The following ERC2 variants were observed in gnomAD, a reference collection of about 807,000 sequenced individuals.
ERC2 encodes ELKS/RAB6-interacting/CAST family member 2, also known as ERC protein 2.
A neutral mutation model predicts 114.8 loss-of-function variants in ERC2; 42 were observed. The ratio of observed to expected loss-of-function variants is 0.37; its 90% confidence interval spans 0.29 to 0.47. The LOEUF (loss-of-function observed/expected upper bound fraction) is 0.47, where lower values mean the gene tolerates loss of function less well. Ranked by LOEUF, ERC2 falls within the 20% of genes least tolerant of loss-of-function variation. The probability of loss-of-function intolerance (pLI) is 0.99; values close to 1 mark genes in which losing one functional copy is unlikely to be tolerated. For missense variants in ERC2, 939 were observed against 1,150.7 expected (o/e 0.82, Z 2.66); for synonymous variants, 454 against 425.5 (o/e 1.07, Z -0.82).
At chr3:56,280,266 C>T (rs2054260899) in intron 3 of ERC2, among the ~76,000 whole-genome samples, 1 of 152,150 alleles carries the variant, frequency 6.6e-6, no homozygotes, top group Admixed American at 6.5e-5. Context: ...GAATGCAGGC[C>T]TGACAACATC....
chr3:56,258,710 G>A (rs2052697218), intron 3 of ERC2, among the ~76,000 whole-genome samples: 1 of 152,148 alleles, frequency 6.6e-6, no homozygotes, highest in Non-Finnish European at 1.5e-5. Flanking sequence ...CAGGGAGCTG[G>A]CTGGATTTGG....
intron 12 of ERC2, among the ~76,000 whole-genome samples, chr3:55,968,626 A>G (rs917170458): frequency 5.9e-5 from 9 of 152,338 alleles, no homozygotes; most frequent in Non-Finnish European, 1.2e-4. Flanking sequence ...AATTACAGAA[A>G]GGAATTATTC....
intron 14 of ERC2, among the ~76,000 whole-genome samples, chr3:55,865,632 C>T (rs7651935): frequency 0.012 from 1,766 of 152,220 alleles, 38 homozygotes; most frequent in African/African-American, 0.04. Context: ...CTCCTTCCAC[C>T]AGCCCTAGGC....
rs904414931 is a variant in ERC2, at chr3:55,571,122, G to A, written c.*40-59846C>T. 1.2e-4 allele frequency among the ~76,000 whole-genome samples: 8 copies of A among 64,866 alleles called. No individual in the cohort carries two copies. The East Asian group carries it at 1.3e-3, about 11-fold the overall frequency. The allele number at this position is 64,866 out of a possible 152,430, so 42.6% of individuals were successfully genotyped here. On this transcript the variant is annotated intron_variant, in intron 17 of 17. Transcript: ENST00000288221. ...CAGCCTGGCAACAGAGCGAGACTCC[G>A]TCAAAAAAAAAAAAAAAAAAAAAAA...
chr3:55,549,978 G>A (rs2055055015), intron 17 of ERC2, among the ~76,000 whole-genome samples: 1 of 149,060 alleles, frequency 6.7e-6, no homozygotes, highest in African/African-American at 2.5e-5. Context: ...GAGAGAGAGG[G>A]GAAATACTAT....
intron 17 of ERC2, among the ~76,000 whole-genome samples, chr3:55,604,050 A>G (rs1477966326): frequency 6.6e-6 from 1 of 152,202 alleles, no homozygotes; most frequent in Non-Finnish European, 1.5e-5. Context: ...AGAGAGAGAA[A>G]GCAATGAAAA....
At chr3:56,120,334 T>A (rs553803875) in intron 6 of ERC2, among the ~76,000 whole-genome samples, 1 of 152,164 alleles carries the variant, frequency 6.6e-6, no homozygotes, top group African/African-American at 2.4e-5. Context: ...CACATTGATA[T>A]AAAAACCCAT....
intron 6 of ERC2, among the ~76,000 whole-genome samples, chr3:56,099,527 T>C (rs2078240264): frequency 6.6e-6 from 1 of 152,136 alleles, no homozygotes; most frequent in Non-Finnish European, 1.5e-5. Flanking sequence ...CCTGAAATAA[T>C]GTTGAAAGCA....
intron 17 of ERC2, among the ~76,000 whole-genome samples, chr3:55,566,372 T>C (rs529454976): frequency 6.6e-6 from 1 of 152,332 alleles, no homozygotes; most frequent in South Asian, 2.1e-4. Flanking sequence ...AAAGTAATTA[T>C]TCAATGAATG....
At chr3:56,191,022 C>A (rs891122493) in intron 3 of ERC2, among the ~76,000 whole-genome samples, 2 of 152,072 alleles carry the variant, frequency 1.3e-5, no homozygotes, top group African/African-American at 4.8e-5. Flanking sequence ...TGACAGGGAG[C>A]CAGGAATAGT....
intron 3 of ERC2, 178 bp from the exon 4 acceptor site, chr3:56,173,698 C>T (rs551259207): frequency 3.1e-5 from 17 of 557,170 alleles, no homozygotes; most frequent in South Asian, 9.8e-5. Flanking sequence ...GCCTGCGTTC[C>T]GGTGAAAAGC....
chr3:56,275,229 G>A (rs1351923593), intron 3 of ERC2, among the ~76,000 whole-genome samples: 3 of 152,046 alleles, frequency 2.0e-5, no homozygotes, highest in Admixed American at 1.3e-4. Flanking sequence ...ATTTTTTTAT[G>A]ACCTCCTCTG....
intron 2 of ERC2, among the ~76,000 whole-genome samples, chr3:56,301,263 A>G (rs1037598040): frequency 6.6e-6 from 1 of 152,114 alleles, no homozygotes; most frequent in African/African-American, 2.4e-5. Flanking sequence ...CATAAAATTT[A>G]GTGTTCAAAA....
intron 2 of ERC2, among the ~76,000 whole-genome samples, chr3:56,308,458 G>A (rs2056358439): frequency 6.6e-6 from 1 of 152,202 alleles, no homozygotes; most frequent in Admixed American, 6.5e-5. Flanking sequence ...AGCTACTGGA[G>A]TCAGAATCTA....
intron 7 of ERC2, among the ~76,000 whole-genome samples, chr3:56,076,668 G>T (rs2076991884): frequency 6.6e-6 from 1 of 152,168 alleles, no homozygotes; most frequent in South Asian, 2.1e-4. Context: ...AAGTATGTTA[G>T]TAGGGCCAAA....
At chr3:55,902,435 C>G (rs1395078141) in intron 13 of ERC2, among the ~76,000 whole-genome samples, 1 of 152,110 alleles carries the variant, frequency 6.6e-6, no homozygotes, top group Non-Finnish European at 1.5e-5. Context: ...TGGGAAAAAT[C>G]ACTTCATACA....
At chr3:55,524,805 A>C (rs748773915) in intron 17 of ERC2, among the ~76,000 whole-genome samples, 6 of 152,174 alleles carry the variant, frequency 3.9e-5, no homozygotes, top group Admixed American at 6.5e-5. Flanking sequence ...AGAGAGAGGA[A>C]TTACAGTTTT....
chr3:56,303,906 A>ATT (rs1409495491), intron 2 of ERC2, among the ~76,000 whole-genome samples: 4 of 152,232 alleles, frequency 2.6e-5, no homozygotes, highest in African/African-American at 4.8e-5. Context: ...AGGAGTCCAA[A>ATT]AAATTCAGAT....
intron 3 of ERC2, among the ~76,000 whole-genome samples, chr3:56,263,384 A>G (rs368164240): frequency 4.0e-5 from 6 of 151,788 alleles, no homozygotes; most frequent in Admixed American, 3.9e-4. Flanking sequence ...AGCCATGAGA[A>G]TCACCTCCCA....
Sources: allele counts gnomAD v4.1 joint callset (sites outside exome capture counted in the v4.1 genomes callset), GRCh38; gene constraint gnomAD v4.1.1; transcripts MANE v1.5; gene names NCBI Gene and HGNC (gene_info 2026-07-23, HGNC 2026-07-21).